The following INTS6 variants were observed in gnomAD, a reference collection of about 807,000 sequenced individuals.
INTS6 encodes the protein integrator complex subunit 6.
INTS6 carries 16 observed loss-of-function variants against 104.9 expected under a neutral mutation model. That is an observed-to-expected ratio of 0.15 (90% confidence interval 0.10 to 0.23). The LOEUF (loss-of-function observed/expected upper bound fraction) is 0.23, where lower values mean the gene tolerates loss of function less well. Among genes scored for constraint, INTS6 ranks in the 10% least tolerant of loss-of-function variants. The pLI, the probability that INTS6 is intolerant of heterozygous loss-of-function variation, is 1.00. For synonymous variants in INTS6, 324 were observed against 358.7 expected (o/e 0.90, Z 1.09); for missense variants, 584 against 1,062.8 (o/e 0.55, Z 6.26).
intron 13 of INTS6, 58 bp from the exon 14 acceptor site, chr13:51,374,854 G>A (rs1265633861): frequency 1.4e-5 from 22 of 1,560,402 alleles, no homozygotes; most frequent in Non-Finnish European, 1.8e-5. Flanking sequence ...CTCAAATAAT[G>A]TTTCCTTATA....
At chr13:51,350,455 G>A (rs1199422151), downstream of INTS6, among the ~76,000 whole-genome samples, 1 of 152,012 alleles carries the variant, frequency 6.6e-6, no homozygotes, top group East Asian at 1.9e-4. Context: ...TAAAACATTT[G>A]ATTATTAGGT....
intron 4 of INTS6, among the ~76,000 whole-genome samples, chr13:51,419,712 TC>T (rs1261357223): frequency 6.6e-6 from 1 of 152,212 alleles, no homozygotes; most frequent in Non-Finnish European, 1.5e-5. Context: ...TCACTACTGT[TC>T]AATAAGCATC....
In INTS6 at chr13:51,379,312, C is replaced by T. The variant is rs896939422; in HGVS notation, c.1386+150G>A. On this transcript the variant is annotated intron_variant, in intron 11 of 17. Coordinates refer to ENST00000311234, the MANE Select transcript of INTS6 (RefSeq NM_012141.3). ...AACATAGCACACCATGGATGTGAGA[C>T]AGAATTATGTAATATATGGCTCTAA... The T allele has an allele frequency of 5.2e-5, 21 of 400,058 alleles. No individual in the cohort carries two copies. In the Admixed American group the frequency reaches 8.8e-4, roughly 17 times the overall value. The allele number at this position is 400,058 out of a possible 1,614,324, so 24.8% of individuals were successfully genotyped here.
chr13:51,444,523 CG>C (rs2138154702), intron 3 of INTS6: 1 of 151,844 alleles, frequency 6.6e-6, no homozygotes, highest in South Asian at 2.1e-4. Flanking sequence ...CCGAGGTGGG[CG>C]GATCACCTGA....
chr13:51,379,200 T>C (rs1290992204), intron 11 of INTS6, among the ~76,000 whole-genome samples: 2 of 151,882 alleles, frequency 1.3e-5, no homozygotes, highest in African/African-American at 2.4e-5. Context: ...ATAAATAATG[T>C]TCACATATAG....
chr13:51,375,919 T>C (rs1955921165), intron 13 of INTS6, 129 bp downstream of exon 13: 1 of 701,580 alleles, frequency 1.4e-6, no homozygotes. Context: ...TTTACTTCAT[T>C]TGTTTGAACT....
chr13:51,391,071 A>G (rs1194558145), intron 5 of INTS6, among the ~76,000 whole-genome samples: 1 of 152,170 alleles, frequency 6.6e-6, no homozygotes, highest in Non-Finnish European at 1.5e-5. Flanking sequence ...TACTTAAAAT[A>G]CAGCATCTAT....
chr13:51,438,929 CTTCAA>C (rs1952742962), intron 3 of INTS6: 1 of 152,174 alleles, frequency 6.6e-6, no homozygotes, highest in Non-Finnish European at 1.5e-5. Flanking sequence ...ATTCAATTAT[CTTCAA>C]TTCCTTATTT....
At chr13:51,343,794 C>T in the INTS6 span, among the ~76,000 whole-genome samples, 1 of 152,204 alleles carries the variant, frequency 6.6e-6, no homozygotes, top group African/African-American at 2.4e-5. Context: ...ATATTGACAG[C>T]ACAACATCCT....
intron 4 of INTS6, among the ~76,000 whole-genome samples, chr13:51,402,955 C>T (rs1956466169): frequency 6.6e-6 from 1 of 152,074 alleles, no homozygotes; most frequent in African/African-American, 2.4e-5. Flanking sequence ...ATTCATGGAG[C>T]ACCTACCATA....
At chr13:51,451,836 C>T in intron 2 of INTS6, 142 bp downstream of exon 2, 1 of 476,000 alleles carries the variant, frequency 2.1e-6, no homozygotes, top group South Asian at 3.5e-5. Context: ...GGTGGGAGCC[C>T]GCAGGGAAGA....
At chr13:51,408,482 G>A (rs1303328508) in intron 4 of INTS6, among the ~76,000 whole-genome samples, 1 of 152,070 alleles carries the variant, frequency 6.6e-6, no homozygotes, top group Non-Finnish European at 1.5e-5. Context: ...TTCATTTAAA[G>A]CACATTGGCC....
At chr13:51,448,562 T>C (rs1281927006) in intron 3 of INTS6, 1 of 152,214 alleles carries the variant, frequency 6.6e-6, no homozygotes, top group Admixed American at 6.5e-5. Context: ...TCTGTAGGTA[T>C]GTTAACTAAG....
chr13:51,370,808 C>T (rs1011015507), intron 15 of INTS6, among the ~76,000 whole-genome samples: 1 of 152,166 alleles, frequency 6.6e-6, no homozygotes, highest in Non-Finnish European at 1.5e-5. Context: ...GGGCCTCAAT[C>T]CCCTGTCTGG....
chr13:51,400,937 GA>G (rs745564786), intron 4 of INTS6, among the ~76,000 whole-genome samples: 11 of 152,060 alleles, frequency 7.2e-5, no homozygotes, highest in Non-Finnish European at 2.9e-5. Context: ...AAATATGGCA[GA>G]AACTTTTATA....
intron 17 of INTS6, 42 bp downstream of exon 17, chr13:51,367,763 C>T: frequency 1.8e-6 from 2 of 1,124,340 alleles, no homozygotes; most frequent in Non-Finnish European, 2.7e-6. Flanking sequence ...AAACTGTGGA[C>T]TCATTTCATC....
At chr13:51,396,711 A>C (rs1033258903) in intron 4 of INTS6, among the ~76,000 whole-genome samples, 1 of 152,234 alleles carries the variant, frequency 6.6e-6, no homozygotes, top group Non-Finnish European at 1.5e-5. Flanking sequence ...GGATCAAGTT[A>C]AACACCAGCA....
rs1955745758 is a variant in INTS6, at chr13:51,368,929, T to C, written c.2476+10A>G. ...AATCAGATCTGAGGTTCGTCTCTTATTATACATACTTCTTCCTGGCTTTCG... is the reference window on the plus strand; with the variant it reads ...AATCAGATCTGAGGTTCGTCTCTTACTATACATACTTCTTCCTGGCTTTCG... On this transcript the variant is annotated intron_variant, in intron 16 of 17. Coordinates refer to ENST00000311234, the MANE Select transcript of INTS6 (RefSeq NM_012141.3). 2 of 1,565,442 alleles carry C rather than the reference T, an allele frequency of 1.3e-6. No homozygotes were observed. The highest frequency in any genetic ancestry group is 1.9e-5 in the Admixed American group (1 of 51,564).
intron 4 of INTS6, 75 bp from the exon 5 acceptor site, chr13:51,395,558 T>C: frequency 2.3e-6 from 3 of 1,329,856 alleles, no homozygotes; most frequent in Non-Finnish European, 3.1e-6. Flanking sequence ...TAATTACACT[T>C]ACGTTAGAAC....
Sources: gnomAD v4.1 joint callset for allele counts (sites outside exome capture counted in the v4.1 genomes callset) on GRCh38, gnomAD v4.1.1 for gene constraint, MANE v1.5 for transcripts, NCBI Gene and HGNC (gene_info 2026-07-23, HGNC 2026-07-21) for gene names.